The following IGIP variants were observed in gnomAD, a reference collection of about 807,000 sequenced individuals.
IGIP encodes the protein IgA-inducing protein homolog.
Under a neutral mutation model 3.2 loss-of-function variants are expected in IGIP, and 1 was observed. The observed-to-expected ratio is 0.32, with a 90% confidence interval of 0.11 to 1.50. The LOEUF is 1.50. IGIP is among the 40% of genes most tolerant of loss of function. IGIP has a pLI of 0.39. For missense variants in IGIP, 64 were observed against 69.0 expected (o/e 0.93, Z 0.26); for synonymous variants, 20 against 22.7 (o/e 0.88, Z 0.34).
In IGIP at chr5:140,127,834, G is replaced by A. The variant is rs1041462329; in HGVS notation, c.-643G>A. 1 of 167,004 alleles carries A rather than the reference G, an allele frequency of 6.0e-6. No individual in the cohort carries two copies. Among genetic ancestry groups the A allele is most frequent in the African/African-American group, 2.4e-5 (1 of 41,428 alleles). 10.3% of individuals were successfully genotyped at this position (167,004 alleles called of 1,614,324 possible). A position where few individuals can be genotyped will look rare whatever the true frequency, so the allele number is the denominator to read the frequency against. The stretch of plus-strand genomic sequence containing the variant: ...TTATTTACTGTGTGTGGTCCCTGTT[G>A]CTGACAGTATTAAGTTATATTCTGA... On this transcript the variant is annotated 5_prime_UTR_variant, in exon 1 of 1. Coordinates refer to ENST00000333305, the MANE Select transcript of IGIP (RefSeq NM_001007189.2).
At position 140,128,980 on chromosome 5, in the gene IGIP, A is replaced by G. The variant is rs183272637; in HGVS notation, c.*342A>G. 7.8e-4 allele frequency: 138 copies of G among 177,422 alleles called. No homozygotes were observed. The highest frequency in any genetic ancestry group is 3.0e-3 in the African/African-American group (126 of 42,150). 11.0% of individuals were successfully genotyped at this position (177,422 alleles called of 1,614,324 possible). ...GTGTGCTCTCATACTAGAGAACTCT[A>G]TCTTCTATTTTATTTTAAGGTAGGT... On this transcript the variant is annotated 3_prime_UTR_variant, in exon 1 of 1. Coordinates refer to ENST00000333305, the MANE Select transcript of IGIP (RefSeq NM_001007189.2).
At position 140,127,302 on chromosome 5, in the gene IGIP, C is replaced by G. The variant is rs1415503675; in HGVS notation, c.-1175C>G. 1 of 167,104 alleles carries G rather than the reference C, an allele frequency of 6.0e-6. No individual in the cohort carries two copies. Among genetic ancestry groups the G allele is most frequent in the Non-Finnish European group, 1.5e-5 (1 of 68,166 alleles). 10.4% of individuals were successfully genotyped at this position (167,104 alleles called of 1,614,324 possible). On this transcript the variant is annotated 5_prime_UTR_variant, in exon 1 of 1. Transcript: ENST00000333305. Reference sequence around the variant, plus strand: ...TGTGATGCTGTGGGGATGAAATTGGCCCTCTTTTAGCATAAGTTGGGGAGT... The same window carrying G: ...TGTGATGCTGTGGGGATGAAATTGGGCCTCTTTTAGCATAAGTTGGGGAGT...
Position 140,128,703 on chromosome 5 carries a change from C to A in IGIP, c.*65C>A. ...TGATTATTTTAGGCATTGATTCTTA[C>A]AAAATATATACTGTAACAGTATACT... On this transcript the variant is annotated 3_prime_UTR_variant, in exon 1 of 1. Transcript: ENST00000333305. 3.8e-6 allele frequency: 5 copies of A among 1,311,030 alleles called. No homozygotes were observed. Among genetic ancestry groups the A allele is most frequent in the Non-Finnish European group, 5.4e-6 (5 of 932,140 alleles). 81.2% of individuals were successfully genotyped at this position (1,311,030 alleles called of 1,614,324 possible). A position where few individuals can be genotyped will look rare whatever the true frequency, so the allele number is the denominator to read the frequency against.
In IGIP at chr5:140,128,691, C is replaced by T. The variant is rs17704117; in HGVS notation, c.*53C>T. ...ATTGAAGTATTGTGATTATTTTAGGCATTGATTCTTACAAAATATATACTG... is the reference window on the plus strand; with the variant it reads ...ATTGAAGTATTGTGATTATTTTAGGTATTGATTCTTACAAAATATATACTG... On this transcript the variant is annotated 3_prime_UTR_variant, in exon 1 of 1. Coordinates refer to ENST00000333305, the MANE Select transcript of IGIP (RefSeq NM_001007189.2). The T allele has an allele frequency of 5.9e-5, 84 of 1,434,668 alleles. No homozygotes were observed. In the East Asian group the frequency reaches 1.5e-3, roughly 26 times the overall value. 88.9% of individuals were successfully genotyped at this position (1,434,668 alleles called of 1,614,324 possible). A position where few individuals can be genotyped will look rare whatever the true frequency, so the allele number is the denominator to read the frequency against.
rs984571642 is a variant in IGIP at position 140,128,780 on chromosome 5, A to T, written c.*142A>T. Reference sequence around the variant, plus strand: ...AAAATGAAATAAAGTAGGCAAAAAAATAAAGATGTTTATTTTTCATGTGAC... The same window carrying T: ...AAAATGAAATAAAGTAGGCAAAAAATTAAAGATGTTTATTTTTCATGTGAC... On this transcript the variant is annotated 3_prime_UTR_variant, in exon 1 of 1. Transcript: ENST00000333305. The T allele has an allele frequency of 1.5e-6, 1 of 688,214 alleles. No individual in the cohort carries two copies. Among genetic ancestry groups the T allele is most frequent in the African/African-American group, 1.9e-5 (1 of 51,930 alleles). 42.6% of individuals were successfully genotyped at this position (688,214 alleles called of 1,614,324 possible).
chr5:140,127,073 T>C lies in IGIP; in HGVS notation c.-1404T>C, dbSNP rs1269676205. On this transcript the variant is annotated 5_prime_UTR_variant, in exon 1 of 1. Transcript: ENST00000333305. ...GGGATGTGGGTCTTCTTCTTGTCAT[T>C]CTAATTGGAAATGTGCATCACTTCC... The C allele has an allele frequency of 6.0e-6, 1 of 167,018 alleles. No homozygotes were observed. Among genetic ancestry groups the C allele is most frequent in the Non-Finnish European group, 1.5e-5 (1 of 68,124 alleles). The allele number at this position is 167,018 out of a possible 1,614,324, so 10.3% of individuals were successfully genotyped here.
rs1338937701 is a variant in IGIP at position 140,128,603 on chromosome 5, A to C, written c.127A>C (p.Ile43Leu). 6.2e-7 allele frequency: 1 copy of C among 1,612,988 alleles called. No homozygotes were observed. The highest frequency in any genetic ancestry group is 2.2e-5 in the East Asian group (1 of 44,832). Reference protein sequence around the residue: ...PCGNQANVLCISRLEFVQYQS With the variant: ...PCGNQANVLCLSRLEFVQYQS ...TGGAAACCAAGCAAACGTGTTGTGCATCAGCCGGCTTGAGTTTGTTCAATA... is the reference window on the plus strand; with the variant it reads ...TGGAAACCAAGCAAACGTGTTGTGCCTCAGCCGGCTTGAGTTTGTTCAATA... The change falls in exon 1 of 1, where the codon ATC becomes CTC. Residue 43 changes from isoleucine (I) to leucine (L), a missense_variant. Ile to Leu is a conservative substitution (Grantham distance 5). Coordinates refer to ENST00000333305, the MANE Select transcript of IGIP (RefSeq NM_001007189.2).
chr5:140,128,832 C>T lies in IGIP; in HGVS notation c.*194C>T. ...GTATAATCAGATCAGTCTTTTGTTT[C>T]AGTGCTTTTTGGGGGAAGGGGTCTG... On this transcript the variant is annotated 3_prime_UTR_variant, in exon 1 of 1. Coordinates refer to ENST00000333305, the MANE Select transcript of IGIP (RefSeq NM_001007189.2). The T allele has an allele frequency of 3.8e-6, 2 of 522,968 alleles. No individual in the cohort carries two copies. Among genetic ancestry groups the T allele is most frequent in the Non-Finnish European group, 6.6e-6 (2 of 305,024 alleles). The allele number at this position is 522,968 out of a possible 1,614,324, so 32.4% of individuals were successfully genotyped here.
chr5:140,128,731 G>T lies in IGIP; in HGVS notation c.*93G>T. On this transcript the variant is annotated 3_prime_UTR_variant, in exon 1 of 1. Coordinates refer to ENST00000333305, the MANE Select transcript of IGIP (RefSeq NM_001007189.2). ...AATATATACTGTAACAGTATACTTT[G>T]TACAGATTTAAATTTTATTTGAAAA... is the stretch of plus-strand genomic sequence containing the variant. The T allele has an allele frequency of 3.9e-6, 4 of 1,032,430 alleles. No homozygotes were observed. Among genetic ancestry groups the T allele is most frequent in the Non-Finnish European group, 5.7e-6 (4 of 707,280 alleles). 64.0% of individuals were successfully genotyped at this position (1,032,430 alleles called of 1,614,324 possible). A position where few individuals can be genotyped will look rare whatever the true frequency, so the allele number is the denominator to read the frequency against.
rs1164623106 is a variant in IGIP, at chr5:140,128,286, T to C, written c.-191T>C. 4.0e-6 allele frequency: 2 copies of C among 496,292 alleles called. No homozygotes were observed. The highest frequency in any genetic ancestry group is 7.2e-6 in the Non-Finnish European group (2 of 277,956). 30.7% of individuals were successfully genotyped at this position (496,292 alleles called of 1,614,324 possible). A position where few individuals can be genotyped will look rare whatever the true frequency, so the allele number is the denominator to read the frequency against. ...TTAAATGGACCAGATGTATATTAGT[T>C]AAAATTTAGGACTAAGTTGTTGATA... is the stretch of plus-strand genomic sequence containing the variant. On this transcript the variant is annotated 5_prime_UTR_variant, in exon 1 of 1. The change abolishes the stop of an existing upstream ORF in the 5' untranslated region. Coordinates refer to ENST00000333305, the MANE Select transcript of IGIP (RefSeq NM_001007189.2).
chr5:140,128,092 A>G lies in IGIP; in HGVS notation c.-385A>G, dbSNP rs1018447348. ...GGTATTGTTGGAATATACAGTTTGT[A>G]TTTGTCTGCTGTGAATCATAATCTT... On this transcript the variant is annotated 5_prime_UTR_variant, in exon 1 of 1. Coordinates refer to ENST00000333305, the MANE Select transcript of IGIP (RefSeq NM_001007189.2). 1.6e-5 allele frequency: 3 copies of G among 189,364 alleles called. No individual in the cohort carries two copies. The highest frequency in any genetic ancestry group is 3.6e-5 in the Non-Finnish European group (3 of 83,734). The allele number at this position is 189,364 out of a possible 1,614,324, so 11.7% of individuals were successfully genotyped here. A position where few individuals can be genotyped will look rare whatever the true frequency, so the allele number is the denominator to read the frequency against.
rs1261250017 is a variant in IGIP at position 140,126,021 on chromosome 5, A to G, written c.-2456A>G. ...AGCAGCACTTTAAGTCTAACTCTAC[A>G]CCATTTTATTGCATGTATTAGTTTT... is the stretch of plus-strand genomic sequence containing the variant. On this transcript the variant is annotated 5_prime_UTR_variant, in exon 1 of 1. Coordinates refer to ENST00000333305, the MANE Select transcript of IGIP (RefSeq NM_001007189.2). 6.0e-6 allele frequency: 1 copy of G among 167,038 alleles called. No homozygotes were observed. Among genetic ancestry groups the G allele is most frequent in the African/African-American group, 2.4e-5 (1 of 41,426 alleles). The allele number at this position is 167,038 out of a possible 1,614,324, so 10.3% of individuals were successfully genotyped here. A position where few individuals can be genotyped will look rare whatever the true frequency, so the allele number is the denominator to read the frequency against.
rs1210807813 is a variant in IGIP, at chr5:140,128,053, A to G, written c.-424A>G. 1 of 175,174 alleles carries G rather than the reference A, an allele frequency of 5.7e-6. No individual in the cohort carries two copies. Among genetic ancestry groups the G allele is most frequent in the Non-Finnish European group, 1.3e-5 (1 of 74,392 alleles). The allele number at this position is 175,174 out of a possible 1,614,324, so 10.9% of individuals were successfully genotyped here. A position where few individuals can be genotyped will look rare whatever the true frequency, so the allele number is the denominator to read the frequency against. On this transcript the variant is annotated 5_prime_UTR_variant, in exon 1 of 1. Transcript: ENST00000333305. ...AGCTGACATGGTTGTGCTCTGTTTGAAAGTCTAAGAATAGGTATTGTTGGA... is the reference window on the plus strand; with the variant it reads ...AGCTGACATGGTTGTGCTCTGTTTGGAAGTCTAAGAATAGGTATTGTTGGA...
rs755897477 is a variant in IGIP, at chr5:140,128,647, G to A, written c.*9G>A. ...TTCAATATCAAAGCTGAAAACTAGC[G>A]AGGTCTGCTGTACTGCTTATTGAAG... is the stretch of plus-strand genomic sequence containing the variant. On this transcript the variant is annotated 3_prime_UTR_variant, in exon 1 of 1. Transcript: ENST00000333305. 11 of 1,608,070 alleles carry A rather than the reference G, an allele frequency of 6.8e-6. No homozygotes were observed. Among genetic ancestry groups the A allele is most frequent in the South Asian group, 4.5e-5 (4 of 89,700 alleles).
rs1001398135 is a variant in IGIP, at chr5:140,127,274, T to A, written c.-1203T>A. The A allele has an allele frequency of 6.0e-6, 1 of 167,264 alleles. No homozygotes were observed. Among genetic ancestry groups the A allele is most frequent in the Admixed American group, 6.5e-5 (1 of 15,284 alleles). 10.4% of individuals were successfully genotyped at this position (167,264 alleles called of 1,614,324 possible). On this transcript the variant is annotated 5_prime_UTR_variant, in exon 1 of 1. Coordinates refer to ENST00000333305, the MANE Select transcript of IGIP (RefSeq NM_001007189.2). ...AGCACTGTGTGGTTGGAGGGTGGAC[T>A]CTTGTGATGCTGTGGGGATGAAATT...
At position 140,127,609 on chromosome 5, in the gene IGIP, G is replaced by C. The variant is rs1229107141; in HGVS notation, c.-868G>C. On this transcript the variant is annotated 5_prime_UTR_variant, in exon 1 of 1. Coordinates refer to ENST00000333305, the MANE Select transcript of IGIP (RefSeq NM_001007189.2). The stretch of plus-strand genomic sequence containing the variant: ...GCCATTATTTTAAGATTATATTGCA[G>C]AGTTGCTTTATTTTGAGCTTTTTGT... 1 of 167,012 alleles carries C rather than the reference G, an allele frequency of 6.0e-6. No individual in the cohort carries two copies. The highest frequency in any genetic ancestry group is 1.5e-5 in the Non-Finnish European group (1 of 68,110). The allele number at this position is 167,012 out of a possible 1,614,324, so 10.3% of individuals were successfully genotyped here.
rs1763220978 is a variant in IGIP, at chr5:140,126,993, A to G, written c.-1484A>G. 6.0e-6 allele frequency: 1 copy of G among 167,082 alleles called. No homozygotes were observed. The highest frequency in any genetic ancestry group is 1.5e-5 in the Non-Finnish European group (1 of 68,124). The allele number at this position is 167,082 out of a possible 1,614,324, so 10.3% of individuals were successfully genotyped here. ...GCCCAGAGCACACATCCTAATCGCT[A>G]GCGGTACTCAGAGAGGGGGTGCTAA... is the stretch of plus-strand genomic sequence containing the variant. On this transcript the variant is annotated 5_prime_UTR_variant, in exon 1 of 1. Coordinates refer to ENST00000333305, the MANE Select transcript of IGIP (RefSeq NM_001007189.2).
chr5:140,128,548 C>A lies in IGIP; in HGVS notation c.72C>A (p.Phe24Leu). 1.2e-6 allele frequency: 2 copies of A among 1,609,654 alleles called. No individual in the cohort carries two copies. ...ATATTACCATATTTGCTGTCATGTTCTCCCATCTCAGTGCTGGGAAATCAC... is the reference window on the plus strand; with the variant it reads ...ATATTACCATATTTGCTGTCATGTTATCCCATCTCAGTGCTGGGAAATCAC... ...GCNITIFAVM[F>L]SHLSAGKSPC... The change falls in exon 1 of 1, where the codon TTC becomes TTA. Residue 24 changes from phenylalanine (F) to leucine (L), a missense_variant. Physicochemically the swap from Phe to Leu is conservative, Grantham distance 22. Transcript: ENST00000333305.
chr5:140,128,431 A>C lies in IGIP; in HGVS notation c.-46A>C. On this transcript the variant is annotated 5_prime_UTR_variant, in exon 1 of 1. Coordinates refer to ENST00000333305, the MANE Select transcript of IGIP (RefSeq NM_001007189.2). ...TGCTGAATTTTGCCAACTAAGAAGT[A>C]AGCAAATGCAATTTAAAAAGTAAAT... is the stretch of plus-strand genomic sequence containing the variant. 1 of 1,487,120 alleles carries C rather than the reference A, an allele frequency of 6.7e-7. No homozygotes were observed. The highest frequency in any genetic ancestry group is 2.4e-5 in the East Asian group (1 of 40,998). The allele number at this position is 1,487,120 out of a possible 1,614,324, so 92.1% of individuals were successfully genotyped here. A position where few individuals can be genotyped will look rare whatever the true frequency, so the allele number is the denominator to read the frequency against.
Sources: allele counts gnomAD v4.1 joint callset, GRCh38; gene constraint gnomAD v4.1.1; transcripts MANE v1.5; gene names NCBI Gene and HGNC (gene_info 2026-07-23, HGNC 2026-07-21).